PRKAG2: variants seen among roughly 807,000 people sequenced by gnomAD.
PRKAG2 encodes 5'-AMP-activated protein kinase subunit gamma-2.
A neutral mutation model predicts 69.6 loss-of-function variants in PRKAG2; 26 were observed. That is an observed-to-expected ratio of 0.37 (90% CI 0.27 to 0.52). The LOEUF (loss-of-function observed/expected upper bound fraction) is 0.52. Ranked by LOEUF, PRKAG2 falls within the 20% of genes least tolerant of loss-of-function variation. PRKAG2 has a pLI of 0.90. For missense variants in PRKAG2, 557 were observed against 740.0 expected, an observed-to-expected ratio of 0.75 and a Z score of 2.87; for synonymous variants, 293 against 285.0, an observed-to-expected ratio of 1.03 and a Z score of -0.28.
chr7:151,847,447 G>A (rs1181674300), intron 1 of PRKAG2, among the ~76,000 whole-genome samples: 2 of 152,052 alleles, frequency 1.3e-5, no homozygotes, highest in African/African-American at 4.8e-5. Context: ...CCTCACGGAC[G>A]CTGGCCTTGA....
intron 3 of PRKAG2, among the ~76,000 whole-genome samples, chr7:151,690,415 T>TGC (rs1563438140): frequency 6.6e-6 from 1 of 152,094 alleles, no homozygotes; most frequent in Admixed American, 6.6e-5. Context: ...CAAGATGCCC[T>TGC]GCCTCCCCTT....
intron 1 of PRKAG2, among the ~76,000 whole-genome samples, chr7:151,853,620 C>T (rs982065739): frequency 2.6e-5 from 4 of 151,834 alleles, no homozygotes; most frequent in African/African-American, 7.3e-5. Context: ...ATTAGCCAGG[C>T]GTGGTGGCGG....
At chr7:151,729,243 C>T (rs529525265) in intron 3 of PRKAG2, among the ~76,000 whole-genome samples, 2 of 152,294 alleles carry the variant, frequency 1.3e-5, no homozygotes, top group East Asian at 3.9e-4. Context: ...ACTGTCCCAT[C>T]ATCCCAAATG....
chr7:151,619,791 T>G (rs915264950), intron 5 of PRKAG2, among the ~76,000 whole-genome samples: 1 of 151,814 alleles, frequency 6.6e-6, no homozygotes, highest in Non-Finnish European at 1.5e-5. Context: ...GGGGCCGAGG[T>G]GGGAGGATCA....
intron 3 of PRKAG2, among the ~76,000 whole-genome samples, chr7:151,708,985 G>C (rs1048098288): frequency 6.6e-6 from 1 of 152,154 alleles, no homozygotes; most frequent in East Asian, 1.9e-4. Flanking sequence ...AGAAGCAGAG[G>C]GGCCGGAAAC....
chr7:151,751,346 C>T (rs559864264), intron 3 of PRKAG2, among the ~76,000 whole-genome samples: 4 of 151,754 alleles, frequency 2.6e-5, no homozygotes, highest in Non-Finnish European at 5.9e-5. Flanking sequence ...GATCTCCTGA[C>T]CTCGTGATCT....
intron 1 of PRKAG2, among the ~76,000 whole-genome samples, chr7:151,854,466 G>A (rs1383204890): frequency 2.0e-5 from 3 of 152,222 alleles, no homozygotes; most frequent in South Asian, 4.1e-4. Context: ...TGGCCAGGAC[G>A]CAGCCTTCCC....
intron 3 of PRKAG2, among the ~76,000 whole-genome samples, chr7:151,698,551 A>C (rs9648723): frequency 0.31 from 47,739 of 151,626 alleles, 10,356 homozygotes; most frequent in African/African-American, 0.61. Context: ...TTTGAAGGAG[A>C]CTTGCACCTC....
intron 3 of PRKAG2, among the ~76,000 whole-genome samples, chr7:151,738,284 C>T (rs1391851124): frequency 2.4e-5 from 3 of 125,752 alleles, no homozygotes; most frequent in African/African-American, 8.7e-5. Flanking sequence ...GCCATTCCCA[C>T]GGGGCCTCCA....
At chr7:151,782,553 G>C (rs1434130125) in intron 2 of PRKAG2, among the ~76,000 whole-genome samples, 2 of 152,218 alleles carry the variant, frequency 1.3e-5, no homozygotes, top group Non-Finnish European at 2.9e-5. Context: ...AAGGCACAGA[G>C]CTCATAGCAG....
intron 1 of PRKAG2, among the ~76,000 whole-genome samples, chr7:151,815,939 C>G (rs1472004076): frequency 1.3e-5 from 2 of 152,286 alleles, no homozygotes; most frequent in South Asian, 2.1e-4. Flanking sequence ...CTTCCACGAG[C>G]CTGTGACTCA....
At chr7:151,865,013 T>C (rs982859049) in intron 1 of PRKAG2, among the ~76,000 whole-genome samples, 42 of 152,170 alleles carry the variant, frequency 2.8e-4, no homozygotes, top group African/African-American at 9.4e-4. Flanking sequence ...TTATATAATA[T>C]ATGAATGTAT....
chr7:151,713,646 G>A (rs1177250191), intron 3 of PRKAG2, among the ~76,000 whole-genome samples: 2 of 149,758 alleles, frequency 1.3e-5, no homozygotes, highest in Non-Finnish European at 3.0e-5. Context: ...GTGCAGTGGT[G>A]CGAACACAGC....
chr7:151,822,934 A>G (rs1292194721), intron 1 of PRKAG2, among the ~76,000 whole-genome samples: 2 of 152,206 alleles, frequency 1.3e-5, no homozygotes, highest in African/African-American at 4.8e-5. Context: ...GCGACTAATC[A>G]GCCTGGGGAA....
intron 3 of PRKAG2, among the ~76,000 whole-genome samples, chr7:151,774,534 C>CAGTG (rs1471243589): frequency 6.6e-6 from 1 of 152,182 alleles, no homozygotes; most frequent in African/African-American, 2.4e-5. Flanking sequence ...CGGCCAGGCA[C>CAGTG]AGTGGCTCAC....
rs780697778 is a variant in PRKAG2, at chr7:151,557,154, G to C, written c.*47C>G. 1 of 1,613,892 alleles carries C rather than the reference G, an allele frequency of 6.2e-7. No individual in the cohort carries two copies. Among genetic ancestry groups the C allele is most frequent in the Non-Finnish European group, 8.5e-7 (1 of 1,179,938 alleles). ...TGTTCATGAGGCAAAACGTGACCCA[G>C]AGACTTTGTTCAAGTTCTCCTCCTA... On this transcript the variant is annotated 3_prime_UTR_variant, in exon 16 of 16. Transcript: ENST00000287878.
In PRKAG2 at chr7:151,872,902, C is replaced by T. The variant is rs77205473; in HGVS notation, c.114+3605G>A. Among the ~76,000 whole-genome samples the T allele has an allele frequency of 4.8e-3, 724 of 152,350 alleles. 2 individuals are homozygous for T. The highest frequency in any genetic ancestry group is 0.016 in the African/African-American group (669 of 41,592). On this transcript the variant is annotated intron_variant, in intron 1 of 15. Coordinates refer to ENST00000287878, the MANE Select transcript of PRKAG2 (RefSeq NM_016203.4). The stretch of plus-strand genomic sequence containing the variant: ...TCACGCCTTCAGGAGGGGGTCCTCA[C>T]GCCTTAGGCCTGGTCTTCAAGGCAG...
rs192833247 is a variant in PRKAG2, at chr7:151,756,218, C to T, written c.466+24934G>A. Among the ~76,000 whole-genome samples the T allele has an allele frequency of 2.5e-4, 38 of 152,268 alleles. No individual in the cohort carries two copies. The highest frequency in any genetic ancestry group is 1.9e-4 in the Non-Finnish European group (13 of 68,018). On this transcript the variant is annotated intron_variant, in intron 3 of 15. Coordinates refer to ENST00000287878, the MANE Select transcript of PRKAG2 (RefSeq NM_016203.4). This position sits in a 1 kb window ranked among gnomAD's most constrained non-coding sequence, Gnocchi z 4.9. ...TGAAAGTGAGGAGTAAAATGACTCA[C>T]GTACAGGTCATGTGAGCAATGCCCC...
rs935601301 is a variant in PRKAG2 at position 151,777,715 on chromosome 7, C to T, written c.466+3437G>A. On this transcript the variant is annotated intron_variant, in intron 3 of 15. Coordinates refer to ENST00000287878, the MANE Select transcript of PRKAG2 (RefSeq NM_016203.4). The surrounding 1 kb of genome is among the most constrained non-coding windows in gnomAD (Gnocchi z 4.3). ...TGGCTGGCTTTGCTCATTACCTGGG[C>T]GGAGGCCAAGCTAACAAAGGGAGGA... Among the ~76,000 whole-genome samples, 3 of 152,186 alleles carry T rather than the reference C, an allele frequency of 2.0e-5. No individual in the cohort carries two copies. Among genetic ancestry groups the T allele is most frequent in the East Asian group, 1.9e-4 (1 of 5,180 alleles).
Sources: gnomAD v4.1 joint callset for allele counts (sites outside exome capture counted in the v4.1 genomes callset) on GRCh38, gnomAD v4.1.1 for gene constraint, Gnocchi (gnomAD v3.1) non-coding constraint, MANE v1.5 for transcripts, NCBI Gene and HGNC (gene_info 2026-07-23, HGNC 2026-07-21) for gene names.